Variants in RANBP2 observed in about 807,000 individuals in gnomAD.
The protein encoded by RANBP2 is E3 SUMO-protein ligase RanBP2.
RANBP2 carries 57 observed loss-of-function variants against 303.6 expected under a neutral mutation model. That is an observed-to-expected ratio of 0.19 (90% CI 0.15 to 0.23). RANBP2 has a LOEUF of 0.23. Among genes scored for constraint, RANBP2 ranks in the 10% least tolerant of loss-of-function variants. The pLI, the probability that RANBP2 is intolerant of heterozygous loss-of-function variation, is 1.00. For synonymous variants in RANBP2, 1,167 were observed against 1,301.5 expected, an observed-to-expected ratio of 0.90 and a Z score of 2.23; for missense variants, 3,138 against 3,780.8, an observed-to-expected ratio of 0.83 and a Z score of 4.46.
the RANBP2 span, among the ~76,000 whole-genome samples, chr2:109,554,882 T>C: frequency 6.6e-6 from 1 of 152,186 alleles, no homozygotes; most frequent in Non-Finnish European, 1.5e-5. Context: ...TCACTGTATG[T>C]AGAAACTTGG....
chr2:108,798,617 T>C, the RANBP2 span: 1 of 1,504,742 alleles, frequency 6.6e-7, no homozygotes, highest in Non-Finnish European at 9.0e-7. Flanking sequence ...TTTAGAGTGG[T>C]ATATTTCTTC....
the RANBP2 span, among the ~76,000 whole-genome samples, chr2:109,270,744 G>A: frequency 6.6e-6 from 1 of 152,212 alleles, no homozygotes; most frequent in Admixed American, 6.5e-5. Context: ...CTCCTCTTAT[G>A]TAGATTGACC....
the RANBP2 span, among the ~76,000 whole-genome samples, chr2:109,284,017 G>A: frequency 1.3e-5 from 2 of 152,186 alleles, no homozygotes; most frequent in Admixed American, 6.5e-5. Context: ...GGGTAGGAAA[G>A]CCGAGGGGAG....
At chr2:109,675,026 A>G in the RANBP2 span, among the ~76,000 whole-genome samples, 3 of 151,968 alleles carry the variant, frequency 2.0e-5, no homozygotes, top group African/African-American at 7.3e-5. Context: ...CTGGAGTGCA[A>G]TGGTGCAATC....
chr2:109,583,299 GAAACTAAC>G, the RANBP2 span, among the ~76,000 whole-genome samples: 393 of 152,210 alleles, frequency 2.6e-3, no homozygotes, highest in African/African-American at 8.2e-3. Flanking sequence ...GAATCTGTAA[GAAACTAAC>G]AACTAAACAA....
chr2:109,636,180 A>G, the RANBP2 span, among the ~76,000 whole-genome samples: 150 of 152,344 alleles, frequency 9.8e-4, no homozygotes, highest in African/African-American at 3.5e-3. Flanking sequence ...TGAGAAATAA[A>G]TGTCCGTTGT....
At chr2:109,174,429 C>T in the RANBP2 span, among the ~76,000 whole-genome samples, 6,188 of 152,258 alleles carry the variant, frequency 0.041, 397 homozygotes, top group African/African-American at 0.14. Flanking sequence ...ACAGCTGGGG[C>T]GTGGGTGGGA....
At chr2:109,178,349 G>C in the RANBP2 span, among the ~76,000 whole-genome samples, 1 of 152,120 alleles carries the variant, frequency 6.6e-6, no homozygotes, top group Non-Finnish European at 1.5e-5. Flanking sequence ...GAATAATACT[G>C]CTTCTGCTAG....
At chr2:109,421,411 G>C in the RANBP2 span, among the ~76,000 whole-genome samples, 2 of 152,240 alleles carry the variant, frequency 1.3e-5, no homozygotes, top group African/African-American at 2.4e-5. Context: ...CTTGAGGCGA[G>C]CTCAAGGCTT....
At chr2:109,702,852 C>G in the RANBP2 span, among the ~76,000 whole-genome samples, 1 of 150,222 alleles carries the variant, frequency 6.7e-6, no homozygotes, top group African/African-American at 2.5e-5. Context: ...TTGGTTTTTC[C>G]TGGAAACAGA....
chr2:109,092,749 T>G, the RANBP2 span, among the ~76,000 whole-genome samples: 1 of 152,174 alleles, frequency 6.6e-6, no homozygotes, highest in Non-Finnish European at 1.5e-5. Flanking sequence ...ATGTTAAACA[T>G]TATGATTTGT....
the RANBP2 span, among the ~76,000 whole-genome samples, chr2:108,894,251 C>G: frequency 2.0e-5 from 3 of 152,160 alleles, no homozygotes; most frequent in East Asian, 5.8e-4. Flanking sequence ...AAGCAATGCT[C>G]CAGGTGGTTT....
chr2:109,039,389 C>A, the RANBP2 span, among the ~76,000 whole-genome samples: 2 of 152,016 alleles, frequency 1.3e-5, no homozygotes, highest in Non-Finnish European at 2.9e-5. Context: ...CTTGCTCTGT[C>A]GCCCAGGCTG....
chr2:109,160,637 C>T, the RANBP2 span, among the ~76,000 whole-genome samples: 7 of 152,300 alleles, frequency 4.6e-5, no homozygotes, highest in East Asian at 1.4e-3. Context: ...TGAGGCCCAC[C>T]AGGTCCCAGA....
chr2:109,417,858 A>G, the RANBP2 span, among the ~76,000 whole-genome samples: 2 of 152,188 alleles, frequency 1.3e-5, no homozygotes, highest in Non-Finnish European at 2.9e-5. Context: ...GGCCGGCGGC[A>G]TGCAGAGGTT....
the RANBP2 span, among the ~76,000 whole-genome samples, chr2:108,925,559 G>A: frequency 1.3e-5 from 2 of 152,194 alleles, no homozygotes; most frequent in Non-Finnish European, 1.5e-5. Context: ...GGGGTCATGT[G>A]TATGGGTCAA....
At chr2:108,956,595 GAC>G in the RANBP2 span, among the ~76,000 whole-genome samples, 1 of 152,206 alleles carries the variant, frequency 6.6e-6, no homozygotes, top group African/African-American at 2.4e-5. Flanking sequence ...ATGGTTGACT[GAC>G]AGTGAAATTT....
chr2:109,041,832 C>T, the RANBP2 span, among the ~76,000 whole-genome samples: 4 of 151,724 alleles, frequency 2.6e-5, no homozygotes, highest in Admixed American at 6.6e-5. Context: ...TGAGCCAACC[C>T]GCCCGGCCTG....
the RANBP2 span, among the ~76,000 whole-genome samples, chr2:109,226,054 C>A: frequency 5.9e-5 from 9 of 152,308 alleles, no homozygotes; most frequent in African/African-American, 2.2e-4. Flanking sequence ...TGACCCTGAA[C>A]AACTTATCTG....
Sources: allele counts gnomAD v4.1 joint callset (sites outside exome capture counted in the v4.1 genomes callset), GRCh38; gene constraint gnomAD v4.1.1; transcripts MANE v1.5; gene names NCBI Gene and HGNC (gene_info 2026-07-23, HGNC 2026-07-21).